Variants in AGBL1 observed in about 807,000 individuals in gnomAD.
The protein encoded by AGBL1 is AGBL carboxypeptidase 1, also known as cytosolic carboxypeptidase 4.
In AGBL1, 130 loss-of-function variants were observed where a neutral mutation model predicts 118.9. The observed-to-expected ratio is 1.09, with a 90% CI of 0.95 to 1.26. The LOEUF (loss-of-function observed/expected upper bound fraction) is 1.26, where lower values mean the gene tolerates loss of function less well. Ranked by LOEUF, AGBL1 falls within the 50% of genes most tolerant of loss-of-function variation. The probability of loss-of-function intolerance (pLI) is 0.00; values close to 1 mark genes in which losing one functional copy is unlikely to be tolerated. For missense variants in AGBL1, 1,584 were observed against 1,298.1 expected (o/e 1.22, Z -3.38); for synonymous variants, 555 against 478.9 (o/e 1.16, Z -2.08).
chr15:86,263,121 C>T lies in AGBL1; in HGVS notation c.1086+227C>T, dbSNP rs530186842. ...AAGAGTTCTTCAGTCTGACACCTTACACTTAGGATGGATACAAGGTCATGT... is the reference window on the plus strand; with the variant it reads ...AAGAGTTCTTCAGTCTGACACCTTATACTTAGGATGGATACAAGGTCATGT... On this transcript the variant is annotated intron_variant, in intron 10 of 22. Coordinates refer to ENST00000614907, the MANE Select transcript of AGBL1 (RefSeq NM_001386094.1). Among the ~76,000 whole-genome samples, 4 of 152,356 alleles carry T rather than the reference C, an allele frequency of 2.6e-5. No individual in the cohort carries two copies. The South Asian group carries it at 8.3e-4, about 32-fold the overall frequency.
At chr15:86,326,573 T>G (rs937709323) in intron 17 of AGBL1, among the ~76,000 whole-genome samples, 6 of 148,420 alleles carry the variant, frequency 4.0e-5, no homozygotes, top group African/African-American at 1.6e-4. Flanking sequence ...GTATAGCTTT[T>G]CTTTTCTTTT....
intron 19 of AGBL1, among the ~76,000 whole-genome samples, chr15:86,538,081 C>T (rs1169353841): frequency 6.6e-6 from 1 of 152,082 alleles, no homozygotes; most frequent in Non-Finnish European, 1.5e-5. Context: ...ATAAAGGGTC[C>T]CACTGTGGGC....
At chr15:86,514,002 G>A (rs2083084586) in intron 18 of AGBL1, among the ~76,000 whole-genome samples, 1 of 151,896 alleles carries the variant, frequency 6.6e-6, no homozygotes. Context: ...TCTTCAAGCA[G>A]CCCTGGTTTC....
chr15:86,387,594 T>C lies in AGBL1; in HGVS notation c.2375-9772T>C, dbSNP rs1475900364. Among the ~76,000 whole-genome samples the C allele has an allele frequency of 4.6e-5, 7 of 152,312 alleles. No individual in the cohort carries two copies. The East Asian group carries it at 1.4e-3, about 29-fold the overall frequency. ...GGTCCTGAACATTAGTAGGAAAATA[T>C]GTGTATTACTTACAATTTGTGAAGA... On this transcript the variant is annotated intron_variant, in intron 17 of 22. Coordinates refer to ENST00000614907, the MANE Select transcript of AGBL1 (RefSeq NM_001386094.1).
chr15:86,604,494 T>C (rs2084543339), intron 21 of AGBL1, among the ~76,000 whole-genome samples: 1 of 152,172 alleles, frequency 6.6e-6, no homozygotes, highest in Non-Finnish European at 1.5e-5. Context: ...CAGGCAATAT[T>C]TACTCCTCAG....
intron 17 of AGBL1, among the ~76,000 whole-genome samples, chr15:86,307,484 C>CTT: frequency 6.6e-6 from 1 of 151,974 alleles, no homozygotes; most frequent in Non-Finnish European, 1.5e-5. Flanking sequence ...ATTTTTTACA[C>CTT]TTGTAAGCAT....
chr15:86,830,220 C>CAT (rs1237097766), intron 22 of AGBL1, among the ~76,000 whole-genome samples: 2 of 152,038 alleles, frequency 1.3e-5, no homozygotes, highest in African/African-American at 4.8e-5. Flanking sequence ...ACATTATACC[C>CAT]ATGCAATCAC....
At chr15:86,945,342 T>A (rs966703264) in intron 23 of AGBL1, among the ~76,000 whole-genome samples, 1 of 151,770 alleles carries the variant, frequency 6.6e-6, no homozygotes, top group African/African-American at 2.4e-5. Context: ...TTTACAGATT[T>A]ATTTCCATTC....
chr15:86,593,104 A>G (rs1057455094), intron 21 of AGBL1, among the ~76,000 whole-genome samples: 2 of 152,070 alleles, frequency 1.3e-5, no homozygotes, highest in Admixed American at 6.6e-5. Context: ...TACCAGTGTC[A>G]TTATTTATTT....
chr15:86,788,160 G>T (rs1427100589), intron 22 of AGBL1, among the ~76,000 whole-genome samples: 2 of 152,194 alleles, frequency 1.3e-5, no homozygotes, highest in Non-Finnish European at 2.9e-5. Context: ...GCTCTGCACG[G>T]TGCCCACTGA....
chr15:87,005,613 A>G (rs2141770128), intron 24 of AGBL1, among the ~76,000 whole-genome samples: 1 of 152,222 alleles, frequency 6.6e-6, no homozygotes, highest in South Asian at 2.1e-4. Context: ...CAAGGTTTTT[A>G]ACTTCTTTGC....
At chr15:86,200,867 C>T (rs959835055) in intron 5 of AGBL1, among the ~76,000 whole-genome samples, 3 of 151,962 alleles carry the variant, frequency 2.0e-5, no homozygotes, top group East Asian at 1.9e-4. Flanking sequence ...CCACTTGTCT[C>T]GGCCTCCGAA....
intron 22 of AGBL1, among the ~76,000 whole-genome samples, chr15:86,698,914 T>C (rs980346539): frequency 1.3e-5 from 2 of 152,024 alleles, no homozygotes; most frequent in Non-Finnish European, 2.9e-5. Flanking sequence ...TCATTTGATA[T>C]ATATGTAATT....
intron 21 of AGBL1, among the ~76,000 whole-genome samples, chr15:86,649,054 A>G (rs901424787): frequency 6.6e-6 from 1 of 152,162 alleles, no homozygotes; most frequent in African/African-American, 2.4e-5. Context: ...GCTGATGGGA[A>G]TGATCTAGCA....
At position 86,080,016 on chromosome 15, in the gene AGBL1, C is replaced by T; in HGVS notation, c.44C>T (p.Thr15Met). ...AGTGGGCTACAGGTCCTGCTGCACACGCTTCAGGTAGGAAAGGGTAGAGTG... is the reference window on the plus strand; with the variant it reads ...AGTGGGCTACAGGTCCTGCTGCACATGCTTCAGGTAGGAAAGGGTAGAGTG... ...EASGLQVLLH[T>M]LQSSSDKESI... The change falls in exon 1 of 23, where the codon ACG becomes ATG. Residue 15 changes from threonine (T) to methionine (M), a missense_variant. Transcript: ENST00000614907. The T allele has an allele frequency of 1.6e-6, 2 of 1,232,250 alleles. No individual in the cohort carries two copies. The highest frequency in any genetic ancestry group is 3.2e-5 in the East Asian group (1 of 31,686). 76.3% of individuals were successfully genotyped at this position (1,232,250 alleles called of 1,614,324 possible).
rs2141690831 is a variant in AGBL1 at position 86,271,238 on chromosome 15, G to C, written c.1988-381G>C. Among the ~76,000 whole-genome samples the C allele has an allele frequency of 2.0e-5, 3 of 151,730 alleles. No homozygotes were observed. In the South Asian group the frequency reaches 6.3e-4, roughly 32 times the overall value. ...GCTAATTTTTTAGTAGCCGTGTTGT[G>C]TTTTTAGTAGAGATGGAGTTTCACC... On this transcript the variant is annotated intron_variant, in intron 14 of 22. Coordinates refer to ENST00000614907, the MANE Select transcript of AGBL1 (RefSeq NM_001386094.1).
chr15:86,649,430 G>C (rs76933846), intron 21 of AGBL1, among the ~76,000 whole-genome samples: 3,129 of 152,236 alleles, frequency 0.021, 60 homozygotes, highest in Non-Finnish European at 0.026. Flanking sequence ...GAAACATACT[G>C]TGATGACTTG....
At chr15:86,438,372 A>T (rs2082023312) in intron 18 of AGBL1, among the ~76,000 whole-genome samples, 1 of 152,210 alleles carries the variant, frequency 6.6e-6, no homozygotes, top group African/African-American at 2.4e-5. Flanking sequence ...CTCTGAGCAG[A>T]TTGGAATACT....
At chr15:86,617,908 A>G (rs2084753665) in intron 21 of AGBL1, among the ~76,000 whole-genome samples, 1 of 152,146 alleles carries the variant, frequency 6.6e-6, no homozygotes, top group African/African-American at 2.4e-5. Flanking sequence ...TATTATTCCT[A>G]TTGGGTCAAT....
Sources: allele counts gnomAD v4.1 joint callset (sites outside exome capture counted in the v4.1 genomes callset), GRCh38; gene constraint gnomAD v4.1.1; transcripts MANE v1.5; gene names NCBI Gene and HGNC (gene_info 2026-07-23, HGNC 2026-07-21).